MRPL10: variants seen among roughly 807,000 people sequenced by gnomAD.
MRPL10 encodes large ribosomal subunit protein uL10m.
Under a neutral mutation model 19.8 loss-of-function variants are expected in MRPL10, and 14 were observed. The observed-to-expected ratio is 0.71, with a 90% CI of 0.47 to 1.11. The LOEUF (loss-of-function observed/expected upper bound fraction) is 1.11. MRPL10 is among the 50% of genes least tolerant of loss of function. The probability of loss-of-function intolerance (pLI) is 0.00; values close to 1 mark genes in which losing one functional copy is unlikely to be tolerated. For missense variants in MRPL10, 318 were observed against 339.6 expected, an observed-to-expected ratio of 0.94 and a Z score of 0.50; for synonymous variants, 129 against 139.2, an observed-to-expected ratio of 0.93 and a Z score of 0.52.
rs184919243 is a variant in MRPL10 at position 47,823,830 on chromosome 17, T to C, written c.*375A>G. 31 of 318,934 alleles carry C rather than the reference T, an allele frequency of 9.7e-5. No individual in the cohort carries two copies. The highest frequency in any genetic ancestry group is 6.2e-4 in the African/African-American group (28 of 45,230). The allele number at this position is 318,934 out of a possible 1,614,324, so 19.8% of individuals were successfully genotyped here. On this transcript the variant is annotated 3_prime_UTR_variant, in exon 5 of 5. Coordinates refer to ENST00000351111, the MANE Select transcript of MRPL10 (RefSeq NM_145255.4). ...TGCCATTCTCAGCACAACTGCTTGG[T>C]TGAGCTACTGTGGCAGTGGCAGGTT...
chr17:47,827,228 A>G (rs758132635), intron 2 of MRPL10, 24 bp from the exon 3 acceptor site: 2 of 1,580,604 alleles, frequency 1.3e-6, no homozygotes, highest in Non-Finnish European at 1.7e-6. Context: ...GCAATGACCA[A>G]GGGTACATCA....
At chr17:47,831,331 G>A in intron 1 of MRPL10, 129 bp downstream of exon 1, 1 of 1,536,470 alleles carries the variant, frequency 6.5e-7, no homozygotes, top group Non-Finnish European at 8.7e-7. Context: ...ACAAGGAACT[G>A]GACGGGGTAA....
At chr17:47,828,911 A>C (rs941888838) in intron 1 of MRPL10, among the ~76,000 whole-genome samples, 2 of 152,188 alleles carry the variant, frequency 1.3e-5, no homozygotes, top group African/African-American at 4.8e-5. Context: ...AGCTCTTCTC[A>C]ATGTGCAGAA....
In MRPL10 at chr17:47,827,049, G is replaced by A. The variant is rs1318636971; in HGVS notation, c.378C>T (p.Phe126=). ...GGGGCCTGCTCCCTACCTGGTTGGGGAAGACCTTCATCAGGATCTTGTGTT... is the reference window on the plus strand; with the variant it reads ...GGGGCCTGCTCCCTACCTGGTTGGGAAAGACCTTCATCAGGATCTTGTGTT... ...LRKHKILMKV[F]PNQVLKPFLE... Residue 126 remains phenylalanine, a synonymous_variant, in exon 3 of 5, where the codon TTC becomes TTT. Transcript: ENST00000351111. 6.2e-7 allele frequency: 1 copy of A among 1,611,420 alleles called. No homozygotes were observed. Among genetic ancestry groups the A allele is most frequent in the African/African-American group, 1.3e-5 (1 of 74,868 alleles).
At chr17:47,828,365 T>C (rs1172893202) in intron 2 of MRPL10, 136 bp downstream of exon 2, 2 of 600,978 alleles carry the variant, frequency 3.3e-6, no homozygotes, top group East Asian at 6.9e-5. Context: ...TCTTAAAATA[T>C]CTGGATCAGG....
chr17:47,824,759 A>T (rs370176476), intron 4 of MRPL10, among the ~76,000 whole-genome samples: 56 of 152,296 alleles, frequency 3.7e-4, no homozygotes, highest in African/African-American at 1.3e-3. Context: ...CATGCCTGTA[A>T]TCCCAGCACT....
rs1308396012 is a variant in MRPL10, at chr17:47,827,033, TCC to T, written c.387+5_387+6del. The T allele has an allele frequency of 6.2e-7, 1 of 1,606,660 alleles. No homozygotes were observed. Among genetic ancestry groups the T allele is most frequent in the Non-Finnish European group, 8.5e-7 (1 of 1,175,966 alleles). ...GGGCAACCCATGCCAAGGGGCCTGC[TCC>T]CTACCTGGTTGGGGAAGACCTTCAT... is the stretch of plus-strand genomic sequence containing the variant. On this transcript the variant is annotated splice_donor_5th_base_variant and intron_variant, in intron 3 of 4. Coordinates refer to ENST00000351111, the MANE Select transcript of MRPL10 (RefSeq NM_145255.4).
In MRPL10 at chr17:47,826,517, G is replaced by A. The variant is rs942926529; in HGVS notation, c.532+120C>T. ...CCTCAATAAATGTGCTGTTTACTCA[G>A]GCTCCATCCGTGAAAGGATGCTCTC... On this transcript the variant is annotated intron_variant, in intron 4 of 4. Transcript: ENST00000351111. The A allele has an allele frequency of 1.9e-5, 24 of 1,268,384 alleles. No individual in the cohort carries two copies. In the African/African-American group the frequency reaches 2.8e-4, roughly 15 times the overall value. 78.6% of individuals were successfully genotyped at this position (1,268,384 alleles called of 1,614,324 possible).
rs764161381 is a variant in MRPL10 at position 47,826,811 on chromosome 17, G to A, written c.388-30C>T. ...GAACAGCAGGGAAAAATGGCTTATC[G>A]GGGACAAGTGGGAGGAAGAGCTACC... On this transcript the variant is annotated intron_variant, in intron 3 of 4. Coordinates refer to ENST00000351111, the MANE Select transcript of MRPL10 (RefSeq NM_145255.4). 31 of 1,613,336 alleles carry A rather than the reference G, an allele frequency of 1.9e-5. No homozygotes were observed. The East Asian group carries it at 2.5e-4, about 13-fold the overall frequency.
At chr17:47,826,898 CA>C (rs2033542646) in intron 3 of MRPL10, 117 bp from the exon 4 acceptor site, 1 of 1,493,878 alleles carries the variant, frequency 6.7e-7, no homozygotes, top group Non-Finnish European at 9.2e-7. Flanking sequence ...AGCCCCTAAT[CA>C]TAGGTTAGAC....
intron 2 of MRPL10, 151 bp downstream of exon 2, chr17:47,828,350 T>G: frequency 1.8e-6 from 1 of 551,826 alleles, no homozygotes; most frequent in Non-Finnish European, 2.9e-6. Context: ...CAAGTGCGGA[T>G]TTCATCTTAA....
At chr17:47,825,757 T>C (rs1474408205) in intron 4 of MRPL10, among the ~76,000 whole-genome samples, 1 of 152,226 alleles carries the variant, frequency 6.6e-6, no homozygotes, top group African/African-American at 2.4e-5. Context: ...CACGGAACTG[T>C]ACATTTAAAA....
Position 47,824,310 on chromosome 17 carries a change from G to GAGGGGC in MRPL10, c.675_680dup (p.Pro226_Leu227dup). On this transcript the variant is annotated inframe_insertion, in exon 5 of 5. Transcript: ENST00000351111. ...ACTGGTCCAACAGGGTGGTCAGCTG[G>GAGGGGC]AGGGGCTGGTGCTGGAGCAGGGAGT... 1 of 1,614,166 alleles carries GAGGGGC rather than the reference G, an allele frequency of 6.2e-7. No homozygotes were observed. Among genetic ancestry groups the GAGGGGC allele is most frequent in the Non-Finnish European group, 8.5e-7 (1 of 1,180,036 alleles).
chr17:47,828,507 TG>T lies in MRPL10; in HGVS notation c.215del (p.Pro72HisfsTer5). On this transcript the variant is annotated frameshift_variant, in exon 2 of 5. Transcript: ENST00000351111. LOFTEE classifies it high-confidence loss of function. Reference protein sequence around the residue: ...PSCLPSPPSPPQEEIGLIRLL... With the variant: ...PSCLPSPPSPXQEEIGLIRLL... ...TACCCAAATTCCTCCTTACCTCCTG[TG>T]GGGGGCTGGGAGGAGATGGCAGGCA... 1 of 1,427,684 alleles carries T rather than the reference TG, an allele frequency of 7.0e-7. No individual in the cohort carries two copies. The highest frequency in any genetic ancestry group is 9.2e-7 in the Non-Finnish European group (1 of 1,086,110). The allele number at this position is 1,427,684 out of a possible 1,614,324, so 88.4% of individuals were successfully genotyped here.
chr17:47,824,187 G>A lies in MRPL10; in HGVS notation c.*18C>T. On this transcript the variant is annotated 3_prime_UTR_variant, in exon 5 of 5. Transcript: ENST00000351111. ...AACGCAGAGTGTATTTATGCGCAGG[G>A]CTGGCTAAACAGGCTGGCTACGAGT... The A allele has an allele frequency of 2.5e-6, 4 of 1,614,024 alleles. No individual in the cohort carries two copies. In the African/African-American group the frequency reaches 5.3e-5, roughly 22 times the overall value.
intron 3 of MRPL10, 110 bp downstream of exon 3, chr17:47,826,930 A>G (rs888636038): frequency 1.4e-6 from 2 of 1,454,818 alleles, no homozygotes; most frequent in African/African-American, 2.8e-5. Context: ...AGGGTGACTC[A>G]TGGAGAGGAG....
At chr17:47,828,361 A>C (rs571375355) in intron 2 of MRPL10, 140 bp downstream of exon 2, 2 of 590,298 alleles carry the variant, frequency 3.4e-6, no homozygotes, top group South Asian at 9.4e-5. Flanking sequence ...TTCATCTTAA[A>C]ATATCTGGAT....
At chr17:47,825,014 CAAAA>C (rs5820672) in intron 4 of MRPL10, among the ~76,000 whole-genome samples, 1 of 75,594 alleles carries the variant, frequency 1.3e-5, no homozygotes, top group Admixed American at 1.6e-4. Context: ...AACTTCGTCT[CAAAA>C]AAAAAAAAAA....
chr17:47,826,604 C>G, intron 4 of MRPL10, 33 bp downstream of exon 4: 1 of 1,610,896 alleles, frequency 6.2e-7, no homozygotes, highest in Non-Finnish European at 8.5e-7. Flanking sequence ...CCCCTCTTCA[C>G]CCCACCCCTA....
Sources: gnomAD v4.1 joint callset for allele counts (sites outside exome capture counted in the v4.1 genomes callset) on GRCh38, gnomAD v4.1.1 for gene constraint, MANE v1.5 for transcripts, NCBI Gene and HGNC (gene_info 2026-07-23, HGNC 2026-07-21) for gene names.